The following ADGRL3 variants were observed in gnomAD, a reference collection of about 807,000 sequenced individuals.
ADGRL3 encodes adhesion G protein-coupled receptor L3.
A neutral mutation model predicts 153.5 loss-of-function variants in ADGRL3; 62 were observed. The observed-to-expected ratio is 0.40, with a 90% CI of 0.33 to 0.50. ADGRL3 has a LOEUF of 0.50. ADGRL3 is among the 20% of genes least tolerant of loss of function. The pLI, the probability that ADGRL3 is intolerant of heterozygous loss-of-function variation, is 0.47. For synonymous variants in ADGRL3, 710 were observed against 672.5 expected (o/e 1.06, Z -0.86); for missense variants, 1,641 against 1,859.4 (o/e 0.88, Z 2.16).
At chr4:61,811,549 C>G (rs1344718244) in intron 8 of ADGRL3, among the ~76,000 whole-genome samples, 1 of 151,860 alleles carries the variant, frequency 6.6e-6, no homozygotes, top group Non-Finnish European at 1.5e-5. Flanking sequence ...TGAAAATGTT[C>G]TAAAATTGGT....
chr4:61,401,674 G>A (rs2096931641), intron 2 of ADGRL3, among the ~76,000 whole-genome samples: 1 of 151,904 alleles, frequency 6.6e-6, no homozygotes, highest in African/African-American at 2.4e-5. Flanking sequence ...GTAAACATAA[G>A]GACACAGATT....
At chr4:61,220,276 G>A (rs1211156883) in intron 1 of ADGRL3, among the ~76,000 whole-genome samples, 1 of 152,086 alleles carries the variant, frequency 6.6e-6, no homozygotes, top group East Asian at 1.9e-4. Context: ...TACGTGAAAT[G>A]TGTCTTGTAT....
At chr4:61,217,502 A>G (rs1743336066) in intron 1 of ADGRL3, among the ~76,000 whole-genome samples, 1 of 152,312 alleles carries the variant, frequency 6.6e-6, no homozygotes, top group East Asian at 1.9e-4. Flanking sequence ...AATAGAGAAA[A>G]CAAATCTGAA....
At chr4:61,803,118 C>T (rs1032441022) in intron 8 of ADGRL3, among the ~76,000 whole-genome samples, 2 of 151,954 alleles carry the variant, frequency 1.3e-5, no homozygotes, top group Admixed American at 6.6e-5. Flanking sequence ...TAGTACATAG[C>T]CCAGTGAACA....
At chr4:61,660,062 CA>C (rs2094551295) in intron 5 of ADGRL3, among the ~76,000 whole-genome samples, 1 of 152,148 alleles carries the variant, frequency 6.6e-6, no homozygotes, top group African/African-American at 2.4e-5. Context: ...ACACCTTAAC[CA>C]AATGCCAAAC....
At chr4:61,754,975 T>G (rs1433929791) in intron 8 of ADGRL3, among the ~76,000 whole-genome samples, 17 of 152,244 alleles carry the variant, frequency 1.1e-4, no homozygotes, top group Admixed American at 9.2e-4. Flanking sequence ...CTGCATAGTA[T>G]TCCATGGTGT....
Position 62,046,293 on chromosome 4 carries a change from G to T in ADGRL3, c.3814+1744G>T, listed in dbSNP as rs866175809. 6.6e-5 allele frequency among the ~76,000 whole-genome samples: 10 copies of T among 151,942 alleles called. No homozygotes were observed. The South Asian group carries it at 1.0e-3, about 16-fold the overall frequency. ...TAAACAAAATATGTAAAATTATTTT[G>T]TCTAATATTGTTGTCTAAATTCATG... On this transcript the variant is annotated intron_variant, in intron 25 of 26. Transcript: ENST00000683033.
chr4:61,711,078 GT>G (rs1229926281), intron 6 of ADGRL3, among the ~76,000 whole-genome samples: 8 of 152,072 alleles, frequency 5.3e-5, no homozygotes, highest in Non-Finnish European at 1.2e-4. Context: ...GTCCATGAAA[GT>G]TACCAAGAGT....
chr4:61,761,122 C>T (rs2096907701), intron 8 of ADGRL3, among the ~76,000 whole-genome samples: 1 of 152,148 alleles, frequency 6.6e-6, no homozygotes, highest in Non-Finnish European at 1.5e-5. Context: ...TGAAGGTTTG[C>T]AAAAACATCT....
At chr4:61,461,770 G>C (rs1383890010) in intron 2 of ADGRL3, among the ~76,000 whole-genome samples, 3 of 152,092 alleles carry the variant, frequency 2.0e-5, no homozygotes, top group African/African-American at 7.2e-5. Flanking sequence ...AGGATCTATA[G>C]AAACACTGTT....
intron 4 of ADGRL3, among the ~76,000 whole-genome samples, chr4:61,564,563 G>A (rs1208814425): frequency 6.6e-6 from 1 of 152,198 alleles, no homozygotes; most frequent in Non-Finnish European, 1.5e-5. Context: ...TTGAGCCAGA[G>A]CGTTTGGCCC....
At chr4:61,498,724 T>A (rs1271895300) in intron 3 of ADGRL3, among the ~76,000 whole-genome samples, 1 of 152,170 alleles carries the variant, frequency 6.6e-6, no homozygotes, top group Non-Finnish European at 1.5e-5. Flanking sequence ...TTAGAAAGGA[T>A]GTACCTTTGC....
intron 5 of ADGRL3, among the ~76,000 whole-genome samples, chr4:61,597,578 T>G (rs1264698633): frequency 6.6e-6 from 1 of 151,956 alleles, no homozygotes; most frequent in East Asian, 1.9e-4. Context: ...ACAAACATTT[T>G]TTAAAATATC....
chr4:61,575,981 C>T (rs2098876102), intron 4 of ADGRL3, among the ~76,000 whole-genome samples: 5 of 151,946 alleles, frequency 3.3e-5, no homozygotes, highest in Admixed American at 2.6e-4. Flanking sequence ...GAGTGCTTTA[C>T]GTGCCCTGTG....
At chr4:61,736,510 T>G (rs919853171) in intron 8 of ADGRL3, among the ~76,000 whole-genome samples, 3 of 152,116 alleles carry the variant, frequency 2.0e-5, no homozygotes, top group Non-Finnish European at 2.9e-5. Flanking sequence ...ACAAAAAAAT[T>G]AGTCTGGTGT....
intron 1 of ADGRL3, among the ~76,000 whole-genome samples, chr4:61,273,624 A>G (rs2093316028): frequency 1.3e-5 from 2 of 152,190 alleles, no homozygotes; most frequent in Admixed American, 1.3e-4. Context: ...GTGCTACAGT[A>G]AAATTTTTTT....
At chr4:61,510,950 T>C (rs2098460326) in intron 3 of ADGRL3, among the ~76,000 whole-genome samples, 1 of 152,194 alleles carries the variant, frequency 6.6e-6, no homozygotes, top group African/African-American at 2.4e-5. Flanking sequence ...GAGCAGTGTT[T>C]TGTAGTTCTC....
rs2098330540 is a variant in ADGRL3 at position 61,497,364 on chromosome 4, T to G, written c.55+16T>G. 6.3e-7 allele frequency: 1 copy of G among 1,579,172 alleles called. No individual in the cohort carries two copies. Among genetic ancestry groups the G allele is most frequent in the Admixed American group, 1.8e-5 (1 of 56,074 alleles). ...ATAATTCATGGTAAGATTTTTCAGATTTTTGTGTAATGCTTAATGTTGTCT... is the reference window on the plus strand; with the variant it reads ...ATAATTCATGGTAAGATTTTTCAGAGTTTTGTGTAATGCTTAATGTTGTCT... On this transcript the variant is annotated intron_variant, in intron 3 of 26. Coordinates refer to ENST00000683033, the MANE Select transcript of ADGRL3 (RefSeq NM_001387552.1).
intron 2 of ADGRL3, among the ~76,000 whole-genome samples, chr4:61,466,507 T>A (rs1480991824): frequency 6.6e-6 from 1 of 152,218 alleles, no homozygotes; most frequent in East Asian, 1.9e-4. Context: ...AATCAGATTA[T>A]GCATGAATGT....
Sources: gnomAD v4.1 joint callset for allele counts (sites outside exome capture counted in the v4.1 genomes callset) on GRCh38, gnomAD v4.1.1 for gene constraint, MANE v1.5 for transcripts, NCBI Gene and HGNC (gene_info 2026-07-23, HGNC 2026-07-21) for gene names.